Variants in MIA2 observed in about 807,000 individuals in gnomAD.
MIA2 encodes the protein MIA SH3 domain ER export factor 2.
Under a neutral mutation model 167.8 loss-of-function variants are expected in MIA2, and 127 were observed. That is an observed-to-expected ratio of 0.76 (90% CI 0.66 to 0.88). MIA2 has a LOEUF of 0.88. Ranked by LOEUF, MIA2 falls within the 40% of genes least tolerant of loss-of-function variation. The pLI, the probability that MIA2 is intolerant of heterozygous loss-of-function variation, is 0.00. For missense variants in MIA2, 1,690 were observed against 1,624.7 expected (o/e 1.04, Z -0.69); for synonymous variants, 552 against 541.9 (o/e 1.02, Z -0.26).
At chr14:39,292,155 A>G (rs1349796198) in intron 10 of MIA2, among the ~76,000 whole-genome samples, 2 of 152,212 alleles carry the variant, frequency 1.3e-5, no homozygotes, top group East Asian at 3.8e-4. Context: ...TTTATTTGCT[A>G]ACCCTCTGTC....
chr14:39,268,287 G>A (rs2056400174), intron 6 of MIA2, among the ~76,000 whole-genome samples: 1 of 152,076 alleles, frequency 6.6e-6, no homozygotes, highest in Non-Finnish European at 1.5e-5. Flanking sequence ...TTTCTTGTTA[G>A]GTGAATTAAA....
chr14:39,252,040 G>GT (rs753209028), intron 4 of MIA2, among the ~76,000 whole-genome samples: 2 of 141,754 alleles, frequency 1.4e-5, no homozygotes, highest in Non-Finnish European at 3.0e-5. Context: ...TAGTTTTAGG[G>GT]TTTTTTAAAA....
At chr14:39,257,945 A>G (rs1011486083) in intron 6 of MIA2, among the ~76,000 whole-genome samples, 5 of 152,208 alleles carry the variant, frequency 3.3e-5, no homozygotes, top group Non-Finnish European at 5.9e-5. Flanking sequence ...ATTTCTGCAG[A>G]GAGATCTGCT....
At chr14:39,347,870 G>A in intron 27 of MIA2, 99 bp downstream of exon 27, 2 of 1,132,732 alleles carry the variant, frequency 1.8e-6, no homozygotes, top group Non-Finnish European at 2.4e-6. Flanking sequence ...TGCCCAAGCT[G>A]GAGTGCAGTG....
At position 39,329,686 on chromosome 14, in the gene MIA2, T is replaced by C. The variant is rs1284822048; in HGVS notation, c.3655+2664T>C. Among the ~76,000 whole-genome samples, 3 of 150,940 alleles carry C rather than the reference T, an allele frequency of 2.0e-5. No homozygotes were observed. In the East Asian group the frequency reaches 5.8e-4, roughly 29 times the overall value. ...TTTTTTTTTTAGCATGAAGGGGTGT[T>C]GGATTTTATCAAAGGCCTTTTCTGC... On this transcript the variant is annotated intron_variant, in intron 25 of 28. Coordinates refer to ENST00000640607, the MANE Select transcript of MIA2 (RefSeq NM_001329214.4).
chr14:39,279,420 T>C (rs1231144920), intron 8 of MIA2, 29 bp from the exon 9 acceptor site: 1 of 1,602,160 alleles, frequency 6.2e-7, no homozygotes, highest in Non-Finnish European at 8.5e-7. Flanking sequence ...AATAATTTAC[T>C]CATGGTAATA....
chr14:39,348,874 A>T lies in MIA2; in HGVS notation c.3969A>T (p.Arg1323Ser), dbSNP rs749147447. 4.3e-6 allele frequency: 7 copies of T among 1,614,128 alleles called. No homozygotes were observed. Among genetic ancestry groups the T allele is most frequent in the Non-Finnish European group, 5.9e-6 (7 of 1,180,016 alleles). The change falls in exon 28 of 29, where the codon AGA becomes AGT. Residue 1323 changes from arginine (R) to serine (S), a missense_variant. Transcript: ENST00000640607. ...PVDARGPFLR[R>S]GPPFPPPPPG... is the part of the protein sequence containing the mutation. Reference sequence around the variant, plus strand: ...ATGCAAGAGGCCCATTCTTGAGAAGAGGACCTCCTTTCCCCCCACCTCCTC... The same window carrying T: ...ATGCAAGAGGCCCATTCTTGAGAAGTGGACCTCCTTTCCCCCCACCTCCTC...
intron 23 of MIA2, among the ~76,000 whole-genome samples, chr14:39,365,126 C>T (rs889647111): frequency 2.6e-5 from 4 of 151,650 alleles, no homozygotes; most frequent in African/African-American, 4.9e-5. Context: ...AGTGCAGTGG[C>T]ATGATCTTAG....
At chr14:39,326,790 A>T (rs1177562740) in intron 24 of MIA2, 74 bp from the exon 25 acceptor site, 2 of 1,351,748 alleles carry the variant, frequency 1.5e-6, no homozygotes, top group Non-Finnish European at 2.0e-6. Context: ...TTAACCACTG[A>T]TTTTATGTGT....
At chr14:39,385,323 T>TA in intron 23 of MIA2, 4 of 747,060 alleles carry the variant, frequency 5.4e-6, no homozygotes, top group South Asian at 3.2e-5. Context: ...CAAATCCTCT[T>TA]TAAAAAAAAA....
intron 6 of MIA2, chr14:39,266,965 A>C: frequency 1.5e-6 from 1 of 688,480 alleles, no homozygotes; most frequent in Non-Finnish European, 1.8e-6. Context: ...CTCACACGAC[A>C]GCGCGGAGTA....
chr14:39,370,030 CA>C (rs1268110389), intron 23 of MIA2, among the ~76,000 whole-genome samples: 2 of 152,076 alleles, frequency 1.3e-5, no homozygotes, highest in African/African-American at 4.8e-5. Flanking sequence ...CTGAATCAGA[CA>C]AAGAATAAAT....
chr14:39,234,798 A>T (rs2053657399), intron 1 of MIA2, among the ~76,000 whole-genome samples: 1 of 151,980 alleles, frequency 6.6e-6, no homozygotes, highest in Admixed American at 6.6e-5. Context: ...TAGAATATAA[A>T]TTTTTTATTT....
intron 23 of MIA2, among the ~76,000 whole-genome samples, chr14:39,375,378 C>T (rs144042956): frequency 6.6e-6 from 1 of 152,146 alleles, no homozygotes; most frequent in African/African-American, 2.4e-5. Context: ...CTTTTAGAAA[C>T]GTTGTAAAAT....
chr14:39,269,056 T>G (rs2056591398), intron 6 of MIA2: 7 of 836,400 alleles, frequency 8.4e-6, no homozygotes, highest in Middle Eastern at 5.8e-4. Context: ...TCTGGTGCGT[T>G]GTATCTTCAC....
At position 39,274,959 on chromosome 14, in the gene MIA2, C is replaced by T. The variant is rs568650495; in HGVS notation, c.1888-1975C>T. On this transcript the variant is annotated intron_variant, in intron 6 of 28. Transcript: ENST00000640607. ...GCATGGTGGTGGGCACCTGTAATCCCAGCTACTCGGGAGGCTGAGGCAGGA... is the reference window on the plus strand; with the variant it reads ...GCATGGTGGTGGGCACCTGTAATCCTAGCTACTCGGGAGGCTGAGGCAGGA... Among the ~76,000 whole-genome samples the T allele has an allele frequency of 3.3e-5, 5 of 150,424 alleles. No individual in the cohort carries two copies. In the South Asian group the frequency reaches 8.4e-4, roughly 25 times the overall value.
chr14:39,320,506 A>G (rs1193852904), intron 23 of MIA2, among the ~76,000 whole-genome samples: 1 of 152,166 alleles, frequency 6.6e-6, no homozygotes, highest in African/African-American at 2.4e-5. Context: ...AATACAGCCT[A>G]TCTGGCCCTG....
At chr14:39,244,237 T>G (rs1289571332) in intron 3 of MIA2, among the ~76,000 whole-genome samples, 1 of 152,200 alleles carries the variant, frequency 6.6e-6, no homozygotes, top group African/African-American at 2.4e-5. Context: ...GGGGTTCTGG[T>G]TTCTATGACC....
At position 39,325,569 on chromosome 14, in the gene MIA2, T is replaced by A. The variant is rs143535055; in HGVS notation, c.3497-1295T>A. Reference sequence around the variant, plus strand: ...TTTTTAGTAGAGATGGGGTTTCACCTTGTTAGCCAGGATGGTCTCGATCTC... The same window carrying A: ...TTTTTAGTAGAGATGGGGTTTCACCATGTTAGCCAGGATGGTCTCGATCTC... On this transcript the variant is annotated intron_variant, in intron 24 of 28. Coordinates refer to ENST00000640607, the MANE Select transcript of MIA2 (RefSeq NM_001329214.4). Among the ~76,000 whole-genome samples, 26 of 150,302 alleles carry A rather than the reference T, an allele frequency of 1.7e-4. 1 individual carries two copies. In the Middle Eastern group the frequency reaches 0.01, roughly 60 times the overall value.
Sources: allele counts gnomAD v4.1 joint callset (sites outside exome capture counted in the v4.1 genomes callset), GRCh38; gene constraint gnomAD v4.1.1; transcripts MANE v1.5; gene names NCBI Gene and HGNC (gene_info 2026-07-23, HGNC 2026-07-21).